Variants in CYP27A1 observed in about 807,000 individuals in gnomAD.
CYP27A1 encodes cytochrome P450 family 27 subfamily A member 1, also known as sterol 26-hydroxylase, mitochondrial.
In CYP27A1, 46 loss-of-function variants were observed where a neutral mutation model predicts 58.2. That is an observed-to-expected ratio of 0.79 (90% CI 0.62 to 1.01). CYP27A1 has a LOEUF of 1.01. Ranked by LOEUF, CYP27A1 falls within the 50% of genes least tolerant of loss-of-function variation. The pLI, the probability that CYP27A1 is intolerant of heterozygous loss-of-function variation, is 0.00. For missense variants in CYP27A1, 704 were observed against 687.0 expected (o/e 1.02, Z -0.28); for synonymous variants, 274 against 285.1 (o/e 0.96, Z 0.39).
intron 1 of CYP27A1, among the ~76,000 whole-genome samples, chr2:218,794,367 T>G (rs966803445): frequency 6.6e-6 from 1 of 152,228 alleles, no homozygotes; most frequent in Non-Finnish European, 1.5e-5. Context: ...CATATCTCCC[T>G]CAGAGGCCTA....
rs572986682 is a variant in CYP27A1, at chr2:218,790,675, C to G, written c.255+8238C>G. 7.4e-4 allele frequency among the ~76,000 whole-genome samples: 113 copies of G among 151,978 alleles called. 1 individual carries two copies. The highest frequency in any genetic ancestry group is 2.6e-4 in the Non-Finnish European group (18 of 67,966). ...TTTACAGTAGAATCTGCTAGAGAGC[C>G]TATCATGAGGGATAAATTTCTTTCT... On this transcript the variant is annotated intron_variant, in intron 1 of 8. Transcript: ENST00000258415.
chr2:218,811,622 C>T (rs1943716432), intron 2 of CYP27A1, among the ~76,000 whole-genome samples: 1 of 152,184 alleles, frequency 6.6e-6, no homozygotes, highest in South Asian at 2.1e-4. Flanking sequence ...CCTACAGCAT[C>T]AGCCTCGTGG....
intron 1 of CYP27A1, among the ~76,000 whole-genome samples, chr2:218,802,713 C>T (rs1156433183): frequency 6.6e-6 from 1 of 152,204 alleles, no homozygotes; most frequent in African/African-American, 2.4e-5. Flanking sequence ...GGAACTGATA[C>T]TGTTATTTTC....
chr2:218,807,730 C>T (rs1351031298), intron 1 of CYP27A1, among the ~76,000 whole-genome samples: 1 of 151,984 alleles, frequency 6.6e-6, no homozygotes, highest in African/African-American at 2.4e-5. Context: ...CCACCTCAGC[C>T]TCCGAGTAGC....
intron 1 of CYP27A1, among the ~76,000 whole-genome samples, chr2:218,801,904 A>G (rs1354426733): frequency 6.6e-6 from 1 of 151,202 alleles, no homozygotes; most frequent in African/African-American, 2.4e-5. Context: ...AAGGGGTCAC[A>G]TGAGGAGCAG....
chr2:218,796,984 A>G lies in CYP27A1; in HGVS notation c.256-12593A>G, dbSNP rs545581761. On this transcript the variant is annotated intron_variant, in intron 1 of 8. Coordinates refer to ENST00000258415, the MANE Select transcript of CYP27A1 (RefSeq NM_000784.4). ...CCGTCTTTCGAAAAGGAGTAAAACA[A>G]GAAAACAATTGTCTGTGAAAAACAA... Among the ~76,000 whole-genome samples, 3 of 152,374 alleles carry G rather than the reference A, an allele frequency of 2.0e-5. No individual in the cohort carries two copies. In the East Asian group the frequency reaches 5.8e-4, roughly 29 times the overall value.
intron 1 of CYP27A1, among the ~76,000 whole-genome samples, chr2:218,783,784 G>A (rs1943417452): frequency 6.6e-6 from 1 of 152,178 alleles, no homozygotes; most frequent in African/African-American, 2.4e-5. Flanking sequence ...CTGGGCTGGG[G>A]TAGCCAACCA....
At position 218,782,507 on chromosome 2, in the gene CYP27A1, G is replaced by C; in HGVS notation, c.255+70G>C. The stretch of plus-strand genomic sequence containing the variant: ...GGAACAGAGAGGCTAGAGGTGAGAA[G>C]ACGTTGGACAGAAAGTGAAGGCTGC... On this transcript the variant is annotated intron_variant, in intron 1 of 8. Coordinates refer to ENST00000258415, the MANE Select transcript of CYP27A1 (RefSeq NM_000784.4). The surrounding 1 kb of genome is among the most constrained non-coding windows in gnomAD (Gnocchi z 4.1). The C allele has an allele frequency of 1.9e-6, 3 of 1,597,056 alleles. No homozygotes were observed. The highest frequency in any genetic ancestry group is 2.6e-6 in the Non-Finnish European group (3 of 1,167,292).
At chr2:218,814,346 C>T (rs1423693978) in intron 6 of CYP27A1, 34 bp from the exon 7 acceptor site, 3 of 1,609,470 alleles carry the variant, frequency 1.9e-6, no homozygotes, top group Non-Finnish European at 2.6e-6. Context: ...CCCCATGAAT[C>T]CAGAGCAGAC....
chr2:218,802,715 G>A (rs576347285), intron 1 of CYP27A1, among the ~76,000 whole-genome samples: 1 of 152,288 alleles, frequency 6.6e-6, no homozygotes, highest in South Asian at 2.1e-4. Context: ...AACTGATACT[G>A]TTATTTTCTT....
intron 1 of CYP27A1, among the ~76,000 whole-genome samples, chr2:218,789,759 T>C (rs1943473613): frequency 6.6e-6 from 1 of 152,242 alleles, no homozygotes; most frequent in Admixed American, 6.5e-5. Context: ...ACCAAGACTT[T>C]ACTCATTGAT....
At position 218,812,545 on chromosome 2, in the gene CYP27A1, T is replaced by C. The variant is rs1290000217; in HGVS notation, c.647-7T>C. 8.1e-6 allele frequency: 13 copies of C among 1,614,176 alleles called. No individual in the cohort carries two copies. The highest frequency in any genetic ancestry group is 1.1e-5 in the Non-Finnish European group (13 of 1,179,994). On this transcript the variant is annotated splice_region_variant and splice_polypyrimidine_tract_variant and intron_variant, in intron 3 of 8. Transcript: ENST00000258415. The stretch of plus-strand genomic sequence containing the variant: ...GCCTCCTGTGATGGCCTCTGTGCAC[T>C]ACTCAGCTATTTGCTACATCCTGTT...
At position 218,814,771 on chromosome 2, in the gene CYP27A1, G is replaced by A. The variant is rs769146248; in HGVS notation, c.1476+14G>A. The A allele has an allele frequency of 3.1e-6, 5 of 1,613,976 alleles. No individual in the cohort carries two copies. The Admixed American group carries it at 8.3e-5, about 27-fold the overall frequency. On this transcript the variant is annotated intron_variant, in intron 8 of 8. Coordinates refer to ENST00000258415, the MANE Select transcript of CYP27A1 (RefSeq NM_000784.4). Reference sequence around the variant, plus strand: ...CTCCTCGCAAGGGTGAGCTGGGAGAGGCTAGTAGGGTGTGTGGGCAGGGAG... The same window carrying A: ...CTCCTCGCAAGGGTGAGCTGGGAGAAGCTAGTAGGGTGTGTGGGCAGGGAG...
At chr2:218,812,783 G>A in intron 4 of CYP27A1, 34 bp downstream of exon 4, 1 of 1,612,252 alleles carries the variant, frequency 6.2e-7, no homozygotes, top group Non-Finnish European at 8.5e-7. Context: ...AGGGAAGAGA[G>A]ATGGGGGTGA....
At position 218,789,549 on chromosome 2, in the gene CYP27A1, T is replaced by C. The variant is rs536597789; in HGVS notation, c.255+7112T>C. On this transcript the variant is annotated intron_variant, in intron 1 of 8. Coordinates refer to ENST00000258415, the MANE Select transcript of CYP27A1 (RefSeq NM_000784.4). Reference sequence around the variant, plus strand: ...CCTAATTTGAACACGGTTTGAACAGTTGGCCACCTCTGATTGGCCAAAACT... The same window carrying C: ...CCTAATTTGAACACGGTTTGAACAGCTGGCCACCTCTGATTGGCCAAAACT... 4.6e-5 allele frequency among the ~76,000 whole-genome samples: 7 copies of C among 152,348 alleles called. No homozygotes were observed. In the South Asian group the frequency reaches 1.0e-3, roughly 23 times the overall value.
intron 5 of CYP27A1, 104 bp from the exon 6 acceptor site, chr2:218,813,917 A>C: frequency 7.6e-7 from 1 of 1,319,302 alleles, no homozygotes; most frequent in Non-Finnish European, 1.1e-6. Context: ...GCTAGTGGCA[A>C]ATTCATTTCT....
At chr2:218,813,991 C>G (rs954901741) in intron 5 of CYP27A1, 30 bp from the exon 6 acceptor site, 3 of 1,613,900 alleles carry the variant, frequency 1.9e-6, no homozygotes, top group Non-Finnish European at 2.5e-6. Context: ...TAGAAATCGC[C>G]CTCACCTGAT....
At chr2:218,798,766 C>T (rs887620592) in intron 1 of CYP27A1, among the ~76,000 whole-genome samples, 1 of 152,112 alleles carries the variant, frequency 6.6e-6, no homozygotes, top group Admixed American at 6.5e-5. Flanking sequence ...GCCTGTAATC[C>T]CAGGTATTTG....
intron 1 of CYP27A1, among the ~76,000 whole-genome samples, chr2:218,798,038 T>C (rs766946156): frequency 1.6e-4 from 24 of 152,228 alleles, no homozygotes; most frequent in Non-Finnish European, 3.4e-4. Context: ...AGTCTCGCCC[T>C]GTCACCCAGG....
Sources: gnomAD v4.1 joint callset for allele counts (sites outside exome capture counted in the v4.1 genomes callset) on GRCh38, gnomAD v4.1.1 for gene constraint, Gnocchi (gnomAD v3.1) non-coding constraint, MANE v1.5 for transcripts, NCBI Gene and HGNC (gene_info 2026-07-23, HGNC 2026-07-21) for gene names.